CNTN5: variants seen among roughly 807,000 people sequenced by gnomAD.
CNTN5 encodes the protein contactin-5.
Under a neutral mutation model 129.1 loss-of-function variants are expected in CNTN5, and 77 were observed. That is an observed-to-expected ratio of 0.60 (90% CI 0.50 to 0.72). The LOEUF (loss-of-function observed/expected upper bound fraction) is 0.72, where lower values mean the gene tolerates loss of function less well. CNTN5 is among the 30% of genes least tolerant of loss of function. The probability of loss-of-function intolerance (pLI) is 0.00; values close to 1 mark genes in which losing one functional copy is unlikely to be tolerated. For synonymous variants in CNTN5, 509 were observed against 465.6 expected (o/e 1.09, Z -1.20); for missense variants, 1,478 against 1,328.8 (o/e 1.11, Z -1.75).
intron 3 of CNTN5, among the ~76,000 whole-genome samples, chr11:99,646,477 G>C (rs1467856564): frequency 6.6e-6 from 1 of 152,054 alleles, no homozygotes; most frequent in Non-Finnish European, 1.5e-5. Flanking sequence ...CCAACCAAAA[G>C]GTAAGATGGA....
intron 18 of CNTN5, among the ~76,000 whole-genome samples, chr11:100,288,545 G>T (rs1343315382): frequency 3.3e-5 from 5 of 152,084 alleles, no homozygotes; most frequent in Non-Finnish European, 7.4e-5. Context: ...AAATAAAGAT[G>T]TTCTTTGAAA....
intron 2 of CNTN5, among the ~76,000 whole-genome samples, chr11:99,359,480 C>G (rs370223457): frequency 1.3e-5 from 2 of 151,972 alleles, no homozygotes; most frequent in East Asian, 1.9e-4. Context: ...ATCCTTGGCT[C>G]TACAAAATGT....
chr11:99,027,235 T>C (rs17132848), intron 1 of CNTN5, among the ~76,000 whole-genome samples: 29,865 of 151,486 alleles, frequency 0.2, 3,280 homozygotes, highest in East Asian at 0.33. Context: ...ATAATACTTC[T>C]TAATTTTTCC....
intron 10 of CNTN5, among the ~76,000 whole-genome samples, chr11:100,063,326 T>C (rs1437665487): frequency 1.3e-5 from 2 of 151,940 alleles, no homozygotes; most frequent in Admixed American, 6.6e-5. Context: ...TGTCATGCAC[T>C]GTAGGCCATC....
chr11:99,035,671 A>C (rs1423122574), intron 1 of CNTN5, among the ~76,000 whole-genome samples: 3 of 151,570 alleles, frequency 2.0e-5, no homozygotes, highest in South Asian at 2.1e-4. Flanking sequence ...TGTCTCTGCA[A>C]GTGAGATGGG....
intron 21 of CNTN5, among the ~76,000 whole-genome samples, chr11:100,339,659 G>A (rs1028911722): frequency 5.9e-5 from 9 of 152,174 alleles, no homozygotes; most frequent in African/African-American, 2.2e-4. Context: ...ACCCATTTCT[G>A]TCTGCCTAGA....
rs1363520944 is a variant in CNTN5 at position 99,302,202 on chromosome 11, GA to G, written c.-209-23137del. On this transcript the variant is annotated intron_variant, in intron 1 of 24. Transcript: ENST00000524871. ...AAGCTAAGTTAAAAGCAAGCAAAAG[GA>G]AAAAAAGAATAAATATTAAAGCTGA... Among the ~76,000 whole-genome samples the G allele has an allele frequency of 4.6e-5, 7 of 150,824 alleles. No homozygotes were observed. In the South Asian group the frequency reaches 1.0e-3, roughly 22 times the overall value.
chr11:99,268,916 A>AT (rs1461706567), intron 1 of CNTN5, among the ~76,000 whole-genome samples: 1 of 152,026 alleles, frequency 6.6e-6, no homozygotes, highest in Non-Finnish European at 1.5e-5. Flanking sequence ...GTAATCTCCA[A>AT]TGACCCTAAA....
At chr11:100,334,462 G>A (rs774065265) in intron 21 of CNTN5, among the ~76,000 whole-genome samples, 4 of 152,004 alleles carry the variant, frequency 2.6e-5, no homozygotes, top group Non-Finnish European at 5.9e-5. Flanking sequence ...GTCGTTATAC[G>A]AAAAAGATAC....
At chr11:100,003,576 G>T (rs1359758211) in intron 9 of CNTN5, among the ~76,000 whole-genome samples, 1 of 152,080 alleles carries the variant, frequency 6.6e-6, no homozygotes, top group Non-Finnish European at 1.5e-5. Context: ...TAGAAAACTA[G>T]ACTTATAGGA....
chr11:99,754,230 G>C (rs540813898), intron 3 of CNTN5, among the ~76,000 whole-genome samples: 2 of 152,128 alleles, frequency 1.3e-5, no homozygotes, highest in Admixed American at 6.5e-5. Context: ...GTTGTGGTAA[G>C]ATGAGAGTAA....
chr11:100,010,339 A>G (rs941070827), intron 9 of CNTN5, among the ~76,000 whole-genome samples: 1 of 152,192 alleles, frequency 6.6e-6, no homozygotes, highest in African/African-American at 2.4e-5. Context: ...AAAAAGAATT[A>G]GAATTAATAA....
intron 1 of CNTN5, among the ~76,000 whole-genome samples, chr11:99,145,931 G>A (rs1057019174): frequency 6.6e-6 from 1 of 152,006 alleles, no homozygotes; most frequent in African/African-American, 2.4e-5. Context: ...CAAAACAAGT[G>A]TAAGTATGTT....
At chr11:100,329,030 T>C (rs1427517752) in intron 21 of CNTN5, among the ~76,000 whole-genome samples, 1 of 152,100 alleles carries the variant, frequency 6.6e-6, no homozygotes, top group African/African-American at 2.4e-5. Flanking sequence ...CTGGGATAAG[T>C]TCTCAGTCTT....
intron 1 of CNTN5, among the ~76,000 whole-genome samples, chr11:99,038,055 T>G (rs183461584): frequency 6.9e-4 from 105 of 152,286 alleles, no homozygotes; most frequent in Middle Eastern, 3.4e-3. Context: ...CTAAATAATA[T>G]AATGCTTTAA....
chr11:100,129,209 A>G (rs1946295372), intron 13 of CNTN5, among the ~76,000 whole-genome samples: 1 of 152,144 alleles, frequency 6.6e-6, no homozygotes, highest in Admixed American at 6.6e-5. Context: ...GAGAAAATAC[A>G]TTTATATAGC....
intron 6 of CNTN5, among the ~76,000 whole-genome samples, chr11:99,857,695 A>T (rs947408719): frequency 1.3e-5 from 2 of 152,166 alleles, no homozygotes; most frequent in Non-Finnish European, 2.9e-5. Context: ...TGTCTGAAGC[A>T]AACTAAGATA....
At chr11:99,776,552 A>G (rs781030439) in intron 3 of CNTN5, among the ~76,000 whole-genome samples, 13 of 151,756 alleles carry the variant, frequency 8.6e-5, no homozygotes, top group Non-Finnish European at 1.9e-4. Flanking sequence ...TAAAAGTAGA[A>G]TGTTATTCTC....
intron 3 of CNTN5, among the ~76,000 whole-genome samples, chr11:99,562,231 C>G (rs2135553389): frequency 6.6e-6 from 1 of 152,258 alleles, no homozygotes; most frequent in South Asian, 2.1e-4. Context: ...CTTATCTTAA[C>G]TGAGCCTTCC....
Sources: gnomAD v4.1 joint callset for allele counts (sites outside exome capture counted in the v4.1 genomes callset) on GRCh38, gnomAD v4.1.1 for gene constraint, MANE v1.5 for transcripts, NCBI Gene and HGNC (gene_info 2026-07-23, HGNC 2026-07-21) for gene names.